Variants in LRRC8A observed in about 807,000 individuals in gnomAD.
LRRC8A encodes the protein volume-regulated anion channel subunit LRRC8A.
In LRRC8A, 24 loss-of-function variants were observed where a neutral mutation model predicts 52.5. The observed-to-expected ratio is 0.46, with a 90% CI of 0.33 to 0.64. The LOEUF (loss-of-function observed/expected upper bound fraction) is 0.64. Among genes scored for constraint, LRRC8A ranks in the 30% least tolerant of loss-of-function variants. LRRC8A has a pLI of 0.02. For synonymous variants in LRRC8A, 492 were observed against 494.2 expected (o/e 1.00, Z 0.06); for missense variants, 677 against 1,094.7 (o/e 0.62, Z 5.38).
chr9:128,904,707 G>T (rs1173592020), intron 2 of LRRC8A, among the ~76,000 whole-genome samples: 2 of 151,728 alleles, frequency 1.3e-5, no homozygotes, highest in Admixed American at 6.6e-5. Flanking sequence ...AAATTAGCCG[G>T]GCATGGGCCA....
intron 2 of LRRC8A, among the ~76,000 whole-genome samples, chr9:128,891,458 G>A (rs2130948305): frequency 6.6e-6 from 1 of 152,324 alleles, no homozygotes; most frequent in South Asian, 2.1e-4. Flanking sequence ...GCTACTCGGA[G>A]GCTGAGGCTG....
In LRRC8A at chr9:128,917,556, C is replaced by T. The variant is rs1405056328; in HGVS notation, c.*1185C>T. ...CTTCGCCCAGACTTTGTTTCCCCAC[C>T]GCCTGCGGCATGGGTGTGTCCAGTG... On this transcript the variant is annotated 3_prime_UTR_variant, in exon 4 of 4. Coordinates refer to ENST00000372600, the MANE Select transcript of LRRC8A (RefSeq NM_019594.4). 1.3e-5 allele frequency: 2 copies of T among 152,942 alleles called. No homozygotes were observed. The highest frequency in any genetic ancestry group is 1.9e-4 in the East Asian group (1 of 5,204). 9.5% of individuals were successfully genotyped at this position (152,942 alleles called of 1,614,324 possible). A position where few individuals can be genotyped will look rare whatever the true frequency, so the allele number is the denominator to read the frequency against.
At chr9:128,897,702 G>T (rs894553716) in intron 2 of LRRC8A, among the ~76,000 whole-genome samples, 1 of 151,862 alleles carries the variant, frequency 6.6e-6, no homozygotes, top group Non-Finnish European at 1.5e-5. Context: ...CCTGCAGCAC[G>T]CCTGGCTAAT....
At chr9:128,903,698 C>A (rs1840122761) in intron 2 of LRRC8A, among the ~76,000 whole-genome samples, 1 of 150,550 alleles carries the variant, frequency 6.6e-6, no homozygotes, top group South Asian at 2.2e-4. Context: ...CAGGCGTGAG[C>A]CTCTGTGCCT....
intron 2 of LRRC8A, among the ~76,000 whole-genome samples, chr9:128,894,072 G>A (rs1410717346): frequency 6.6e-6 from 1 of 151,940 alleles, no homozygotes; most frequent in Non-Finnish European, 1.5e-5. Context: ...GTAGAGACGG[G>A]GTTTCGCCAT....
rs1336602663 is a variant in LRRC8A, at chr9:128,907,642, C to T, written c.478C>T (p.Leu160=). The T allele has an allele frequency of 6.2e-7, 1 of 1,614,042 alleles. No individual in the cohort carries two copies. The highest frequency in any genetic ancestry group is 1.3e-5 in the African/African-American group (1 of 74,944). ...GAAGCTGGAGCACTTTGTGTCTATC[C>T]TGCTGAAGTGCTTCGACTCGCCCTG... The part of the protein sequence containing the change: ...SSKLEHFVSI[L]LKCFDSPWTT... Residue 160 remains leucine, a synonymous_variant, in exon 3 of 4, where the codon CTG becomes TTG. Coordinates refer to ENST00000372600, the MANE Select transcript of LRRC8A (RefSeq NM_019594.4). The surrounding 1 kb of genome is among the most constrained non-coding windows in gnomAD (Gnocchi z 9.3).
At chr9:128,888,487 A>G (rs567621796) in intron 2 of LRRC8A, among the ~76,000 whole-genome samples, 1 of 152,110 alleles carries the variant, frequency 6.6e-6, no homozygotes, top group African/African-American at 2.4e-5. Flanking sequence ...CCCTTGCTGT[A>G]TCTGGAGGAA....
In LRRC8A at chr9:128,908,035, T is replaced by G. The variant is rs767215901; in HGVS notation, c.871T>G (p.Phe291Val). 6.2e-7 allele frequency: 1 copy of G among 1,614,016 alleles called. No homozygotes were observed. ...CGTCTACTACGTGCACAACATCAAG[T>G]TCGACGTGGACTGCACCGTGGACAT... ...YTVYYVHNIK[F>V]DVDCTVDIES... The change falls in exon 3 of 4, where the codon TTC (phenylalanine) becomes GTC (valine). Residue 291 changes from phenylalanine (F) to valine (V), a missense_variant. Physicochemically the swap from Phe to Val is conservative, Grantham distance 50. Coordinates refer to ENST00000372600, the MANE Select transcript of LRRC8A (RefSeq NM_019594.4).
chr9:128,891,403 A>C (rs1438225982), intron 2 of LRRC8A, among the ~76,000 whole-genome samples: 1 of 152,166 alleles, frequency 6.6e-6, no homozygotes, highest in Non-Finnish European at 1.5e-5. Flanking sequence ...TCTACAAAAA[A>C]TTTTTAAAAA....
At chr9:128,897,121 T>A (rs1025504720) in intron 2 of LRRC8A, among the ~76,000 whole-genome samples, 1 of 152,244 alleles carries the variant, frequency 6.6e-6, no homozygotes, top group South Asian at 2.1e-4. Context: ...TGTCTTTCGA[T>A]GTATGCTTTA....
At position 128,911,664 on chromosome 9, in the gene LRRC8A, G is replaced by A. The variant is rs112947010; in HGVS notation, c.2157+2343G>A. 6.6e-6 allele frequency among the ~76,000 whole-genome samples: 1 copy of A among 151,930 alleles called. No individual in the cohort carries two copies. Among genetic ancestry groups the A allele is most frequent in the Non-Finnish European group, 1.5e-5 (1 of 67,958 alleles). On this transcript the variant is annotated intron_variant, in intron 3 of 3. Transcript: ENST00000372600. The surrounding 1 kb of genome is among the most constrained non-coding windows in gnomAD (Gnocchi z 4.9). ...CTGTCCCCCACCCCCAGCTCCTCCCGCCAAGCTTGCCTGTTAGTGTCATGC... is the reference window on the plus strand; with the variant it reads ...CTGTCCCCCACCCCCAGCTCCTCCCACCAAGCTTGCCTGTTAGTGTCATGC...
At chr9:128,903,991 G>A (rs1840135448) in intron 2 of LRRC8A, among the ~76,000 whole-genome samples, 1 of 152,062 alleles carries the variant, frequency 6.6e-6, no homozygotes, top group East Asian at 2.0e-4. Context: ...TCATGCCACT[G>A]CACCCCAGCC....
chr9:128,886,723 A>G (rs1409505484), intron 2 of LRRC8A, among the ~76,000 whole-genome samples: 1 of 152,244 alleles, frequency 6.6e-6, no homozygotes, highest in Admixed American at 6.5e-5. Flanking sequence ...AGGATTAAAT[A>G]TGTTGACATA....
intron 1 of LRRC8A, among the ~76,000 whole-genome samples, 194 bp from the exon 2 acceptor site, chr9:128,885,821 A>AT (rs1839372118): frequency 6.6e-6 from 1 of 152,214 alleles, no homozygotes; most frequent in East Asian, 1.9e-4. Context: ...AGGCAGGAGA[A>AT]TCACTTGAAT....
chr9:128,904,504 C>T (rs1366469603), intron 2 of LRRC8A, among the ~76,000 whole-genome samples: 1 of 151,890 alleles, frequency 6.6e-6, no homozygotes, highest in Non-Finnish European at 1.5e-5. Flanking sequence ...GGTGACAGAG[C>T]AATACTCTGT....
At chr9:128,912,709 G>A (rs1033375016) in intron 3 of LRRC8A, 1 of 152,462 alleles carries the variant, frequency 6.6e-6, no homozygotes, top group South Asian at 2.1e-4. Context: ...TTCCTCTTGC[G>A]GTAGTGTGTG....
intron 2 of LRRC8A, among the ~76,000 whole-genome samples, chr9:128,891,095 A>G (rs1029101160): frequency 6.6e-6 from 1 of 151,692 alleles, no homozygotes; most frequent in Non-Finnish European, 1.5e-5. Flanking sequence ...ACATGGTGAA[A>G]CCCCGTTTCT....
chr9:128,910,320 C>T (rs933363696), intron 3 of LRRC8A, among the ~76,000 whole-genome samples: 1 of 152,210 alleles, frequency 6.6e-6, no homozygotes, highest in Non-Finnish European at 1.5e-5. Flanking sequence ...CCCTTCTGCC[C>T]CCGACACAGC....
chr9:128,901,327 G>A (rs979189880), intron 2 of LRRC8A, among the ~76,000 whole-genome samples: 2 of 152,100 alleles, frequency 1.3e-5, no homozygotes, highest in African/African-American at 2.4e-5. Context: ...GCCGGCCGTG[G>A]TGGTGGCGCG....
Sources: allele counts gnomAD v4.1 joint callset (sites outside exome capture counted in the v4.1 genomes callset), GRCh38; gene constraint gnomAD v4.1.1; non-coding constraint Gnocchi (gnomAD v3.1); transcripts MANE v1.5; gene names NCBI Gene and HGNC (gene_info 2026-07-23, HGNC 2026-07-21).